Variants in EFCAB6 observed in about 807,000 individuals in gnomAD.
EFCAB6 encodes the protein EF-hand calcium binding domain 6, also known as EF-hand calcium-binding domain-containing protein 6.
A neutral mutation model predicts 169.8 loss-of-function variants in EFCAB6; 156 were observed. That is an observed-to-expected ratio of 0.92 (90% confidence interval 0.81 to 1.05). The LOEUF (loss-of-function observed/expected upper bound fraction) is 1.05. Ranked by LOEUF, EFCAB6 falls within the 50% of genes least tolerant of loss-of-function variation. The probability of loss-of-function intolerance (pLI) is 0.00; values close to 1 mark genes in which losing one functional copy is unlikely to be tolerated. For synonymous variants in EFCAB6, 698 were observed against 676.4 expected (o/e 1.03, Z -0.50); for missense variants, 1,800 against 1,829.1 (o/e 0.98, Z 0.29).
At position 43,632,115 on chromosome 22, in the gene EFCAB6, T is replaced by A. The variant is rs760278085; in HGVS notation, c.2222A>T (p.Glu741Val). ...CLKLFPRRLK[E>V]SFRDPYSAFF... Reference sequence around the variant, plus strand: ...ACAGTCACGGTTTACCCGGAATGACTCCTTCAGCCTCCTAGGGAAAAGCTT... The same window carrying A: ...ACAGTCACGGTTTACCCGGAATGACACCTTCAGCCTCCTAGGGAAAAGCTT... Residue 741 changes from glutamate (E) to valine (V), a missense_variant, in exon 19 of 32, where the codon GAG becomes GTG. By Grantham distance (121) the Glu-to-Val change is moderately radical. Coordinates refer to ENST00000262726, the MANE Select transcript of EFCAB6 (RefSeq NM_022785.4). 4 of 1,613,816 alleles carry A rather than the reference T, an allele frequency of 2.5e-6. No homozygotes were observed. The highest frequency in any genetic ancestry group is 1.7e-5 in the Admixed American group (1 of 59,964).
chr22:43,590,228 C>G lies in EFCAB6; in HGVS notation c.2878G>C (p.Asp960His), dbSNP rs771494541. The G allele has an allele frequency of 6.2e-7, 1 of 1,612,962 alleles. No homozygotes were observed. Among genetic ancestry groups the G allele is most frequent in the Non-Finnish European group, 8.5e-7 (1 of 1,179,570 alleles). Residue 960 changes from aspartate (D) to histidine (H), a missense_variant and splice_region_variant, in exon 24 of 32, where the codon GAT (aspartate) becomes CAT (histidine). Asp to His is a moderately conservative substitution (Grantham distance 81). Transcript: ENST00000262726. ...QSTEKAVAAR[D>H]KLMDRHQDIS... is the part of the protein sequence containing the mutation. ...TCTTGATGGCGGTCCATAAGCTTAT[C>G]CCTGAAAGAGAGTACATTGCAGACA... is the stretch of plus-strand genomic sequence containing the variant.
Position 43,555,128 on chromosome 22 carries a change from T to A in EFCAB6, c.3421-32A>T, listed in dbSNP as rs79881838. ...AAAATAGAATGGAAATTGATCCATG[T>A]GAGAAATAATCGACCACCTCTTGCT... On this transcript the variant is annotated intron_variant, in intron 26 of 31. Transcript: ENST00000262726. 3.5e-3 allele frequency: 5,553 copies of A among 1,609,556 alleles called. 156 individuals are homozygous for A. In the African/African-American group the frequency reaches 0.066, roughly 19 times the overall value.
intron 4 of EFCAB6, among the ~76,000 whole-genome samples, chr22:43,768,812 T>C (rs991851967): frequency 7.8e-4 from 119 of 152,332 alleles, no homozygotes; most frequent in African/African-American, 2.8e-3. Context: ...TGTCAAAATT[T>C]TAAATTAACA....
chr22:43,744,076 AATGG>A lies in EFCAB6; in HGVS notation c.508-8087_508-8084del. The stretch of plus-strand genomic sequence containing the variant: ...GGATGCATGGATGGATGAACGGATG[AATGG>A]ATGAATGATGAATGAATGAATGAAT... On this transcript the variant is annotated intron_variant, in intron 6 of 31. Transcript: ENST00000262726. The surrounding 1 kb of genome is among the most constrained non-coding windows in gnomAD (Gnocchi z 4.3). Among the ~76,000 whole-genome samples the A allele has an allele frequency of 6.7e-6, 1 of 149,170 alleles. No homozygotes were observed.
At chr22:43,706,512 C>G (rs559277083) in intron 10 of EFCAB6, among the ~76,000 whole-genome samples, 1 of 152,204 alleles carries the variant, frequency 6.6e-6, no homozygotes, top group Non-Finnish European at 1.5e-5. Flanking sequence ...TTCTTATTCT[C>G]CAATGAGTCT....
Position 43,803,704 on chromosome 22 carries a change from G to A in EFCAB6, c.-8+5291C>T, listed in dbSNP as rs573456736. On this transcript the variant is annotated intron_variant, in intron 2 of 31. Transcript: ENST00000262726. ...ATTACTAGATCTAAAAGGAGAGACA[G>A]ATTGCAATACAATAATATTAGGATA... Among the ~76,000 whole-genome samples, 4 of 152,180 alleles carry A rather than the reference G, an allele frequency of 2.6e-5. No homozygotes were observed. The South Asian group carries it at 8.3e-4, about 32-fold the overall frequency.
intron 27 of EFCAB6, among the ~76,000 whole-genome samples, chr22:43,548,961 G>A (rs944058545): frequency 2.0e-5 from 3 of 151,924 alleles, no homozygotes; most frequent in Non-Finnish European, 2.9e-5. Context: ...GGAGTTAATT[G>A]GTAAATTAAT....
chr22:43,628,412 A>C lies in EFCAB6; in HGVS notation c.2233-1733T>G, dbSNP rs925292277. On this transcript the variant is annotated intron_variant, in intron 19 of 31. Coordinates refer to ENST00000262726, the MANE Select transcript of EFCAB6 (RefSeq NM_022785.4). The surrounding 1 kb of genome is among the most constrained non-coding windows in gnomAD (Gnocchi z 4.8). ...CCACCCAAGGTCGCTGGAGTCCTGC[A>C]GGAACCTCGTGATGGCTCCCAGCTG... Among the ~76,000 whole-genome samples the C allele has an allele frequency of 6.6e-6, 1 of 152,074 alleles. No individual in the cohort carries two copies. The highest frequency in any genetic ancestry group is 1.9e-4 in the East Asian group (1 of 5,164).
chr22:43,667,282 C>T lies in EFCAB6; in HGVS notation c.1815-10G>A. ...CTCCGTGAGCTTGGTTCTAAAATCA[C>T]AAGCAGGCATTTAGACCCAGTGTCA... On this transcript the variant is annotated splice_polypyrimidine_tract_variant and intron_variant, in intron 16 of 31. Transcript: ENST00000262726. 1.9e-6 allele frequency: 3 copies of T among 1,612,642 alleles called. No homozygotes were observed. The highest frequency in any genetic ancestry group is 2.5e-6 in the Non-Finnish European group (3 of 1,179,232).
intron 26 of EFCAB6, among the ~76,000 whole-genome samples, chr22:43,563,149 C>T (rs544894940): frequency 3.3e-5 from 5 of 152,192 alleles, no homozygotes; most frequent in South Asian, 2.1e-4. Context: ...AGAAGGAACG[C>T]GGCCAGGGCC....
intron 3 of EFCAB6, among the ~76,000 whole-genome samples, chr22:43,775,537 G>A (rs1274004421): frequency 6.6e-6 from 1 of 152,088 alleles, no homozygotes; most frequent in African/African-American, 2.4e-5. Flanking sequence ...CCACCTCCTG[G>A]GTCCAGGCAA....
At chr22:43,610,256 C>T (rs1227215120) in intron 21 of EFCAB6, among the ~76,000 whole-genome samples, 1 of 152,178 alleles carries the variant, frequency 6.6e-6, no homozygotes, top group Non-Finnish European at 1.5e-5. Flanking sequence ...GATAGTTGCA[C>T]CACACGTCAC....
chr22:43,742,874 G>GAC (rs1019780800), intron 6 of EFCAB6, among the ~76,000 whole-genome samples: 3 of 152,312 alleles, frequency 2.0e-5, no homozygotes, highest in Admixed American at 6.5e-5. Context: ...TAGCTGCTTG[G>GAC]ACCTCGGCAT....
chr22:43,722,031 A>G (rs944384288), intron 8 of EFCAB6, among the ~76,000 whole-genome samples: 3 of 152,138 alleles, frequency 2.0e-5, no homozygotes, highest in African/African-American at 7.2e-5. Context: ...AAGGAATTTA[A>G]ACACAATATC....
intron 2 of EFCAB6, among the ~76,000 whole-genome samples, chr22:43,803,420 G>A (rs1339127708): frequency 6.6e-6 from 1 of 152,166 alleles, no homozygotes; most frequent in African/African-American, 2.4e-5. Context: ...TTGATAGTCG[G>A]TTGAAGAAGG....
intron 25 of EFCAB6, among the ~76,000 whole-genome samples, chr22:43,576,783 C>CACCAGGAGG (rs2050284505): frequency 6.6e-6 from 1 of 152,208 alleles, no homozygotes; most frequent in Admixed American, 6.5e-5. Flanking sequence ...CCGTAACCTT[C>CACCAGGAGG]CTGATGGAAG....
intron 17 of EFCAB6, among the ~76,000 whole-genome samples, chr22:43,647,731 G>A (rs1198198253): frequency 6.6e-6 from 1 of 152,210 alleles, no homozygotes; most frequent in Non-Finnish European, 1.5e-5. Flanking sequence ...ACAGAGAGGA[G>A]AACATGATGT....
chr22:43,772,831 C>T (rs2061518185), intron 4 of EFCAB6, 61 bp downstream of exon 4: 2 of 1,576,526 alleles, frequency 1.3e-6, no homozygotes, highest in Admixed American at 3.4e-5. Context: ...TTACCTGCTC[C>T]CCTGATCTAC....
chr22:43,606,455 G>A (rs2052924499), intron 22 of EFCAB6, among the ~76,000 whole-genome samples: 1 of 152,222 alleles, frequency 6.6e-6, no homozygotes, highest in Admixed American at 6.5e-5. Context: ...TAAATGTACT[G>A]AGTGGTTACT....
Sources: gnomAD v4.1 joint callset for allele counts (sites outside exome capture counted in the v4.1 genomes callset) on GRCh38, gnomAD v4.1.1 for gene constraint, Gnocchi (gnomAD v3.1) non-coding constraint, MANE v1.5 for transcripts, NCBI Gene and HGNC (gene_info 2026-07-23, HGNC 2026-07-21) for gene names.